LRP5: variants seen among roughly 807,000 people sequenced by gnomAD.
LRP5 encodes the protein LDL receptor related protein 5, also known as low-density lipoprotein receptor-related protein 5.
In LRP5, 62 loss-of-function variants were observed where a neutral mutation model predicts 154.1. The ratio of observed to expected loss-of-function variants is 0.40; its 90% confidence interval spans 0.33 to 0.50. LRP5 has a LOEUF of 0.50. LRP5 is among the 20% of genes least tolerant of loss of function. LRP5 has a pLI of 0.55. For synonymous variants in LRP5, 966 were observed against 1,011.5 expected (o/e 0.96, Z 0.85); for missense variants, 1,915 against 2,336.7 (o/e 0.82, Z 3.72).
chr11:68,415,398 A>G (rs1445356635), intron 12 of LRP5, among the ~76,000 whole-genome samples: 1 of 152,196 alleles, frequency 6.6e-6, no homozygotes, highest in Non-Finnish European at 1.5e-5. Flanking sequence ...ACATTCCACC[A>G]CCAGTGTTCA....
At chr11:68,412,208 C>T (rs946033271) in intron 11 of LRP5, among the ~76,000 whole-genome samples, 1 of 152,132 alleles carries the variant, frequency 6.6e-6, no homozygotes, top group Non-Finnish European at 1.5e-5. Context: ...GATTTGAACC[C>T]AGAAAAGGGG....
intron 3 of LRP5, among the ~76,000 whole-genome samples, chr11:68,362,199 A>G (rs1339941069): frequency 6.6e-6 from 1 of 152,178 alleles, no homozygotes; most frequent in East Asian, 1.9e-4. Context: ...GATTCCGTTT[A>G]TATGAGATGT....
intron 1 of LRP5, among the ~76,000 whole-genome samples, chr11:68,313,935 C>T (rs765203436): frequency 7.9e-5 from 12 of 152,124 alleles, no homozygotes; most frequent in Non-Finnish European, 1.5e-4. Flanking sequence ...TGGGGGACAG[C>T]GGGGAACAGG....
rs1414840088 is a variant in LRP5 at position 68,389,822 on chromosome 11, G to A, written c.1413-59G>A. 11 of 1,591,852 alleles carry A rather than the reference G, an allele frequency of 6.9e-6. No individual in the cohort carries two copies. In the East Asian group the frequency reaches 2.2e-4, roughly 32 times the overall value. ...GGGGGCAGGCCTTGCTCTTGGCACT[G>A]GGGATGCTGCAGAGACCAGACAGAC... On this transcript the variant is annotated intron_variant, in intron 6 of 22. Coordinates refer to ENST00000294304, the MANE Select transcript of LRP5 (RefSeq NM_002335.4).
At chr11:68,340,069 C>T (rs556509987) in intron 1 of LRP5, among the ~76,000 whole-genome samples, 100 of 152,066 alleles carry the variant, frequency 6.6e-4, no homozygotes, top group African/African-American at 2.1e-3. Flanking sequence ...GGCAAAACCC[C>T]GTCTCTACTA....
chr11:68,418,444 C>T (rs7944300), intron 13 of LRP5, among the ~76,000 whole-genome samples: 1,542 of 151,964 alleles, frequency 0.01, 22 homozygotes, highest in African/African-American at 0.035. Flanking sequence ...CTTTCTCCAC[C>T]GAGTGTTGGT....
At position 68,425,308 on chromosome 11, in the gene LRP5, C is replaced by A. The variant is rs371885364; in HGVS notation, c.3427+16C>A. ...GACCTGTCAGGTACGCGCCCCGGGG[C>A]CTGCCCTAACCGCAGACACCCGGCC... On this transcript the variant is annotated intron_variant, in intron 15 of 22. Coordinates refer to ENST00000294304, the MANE Select transcript of LRP5 (RefSeq NM_002335.4). 1.3e-6 allele frequency: 2 copies of A among 1,596,806 alleles called. No homozygotes were observed. The highest frequency in any genetic ancestry group is 1.7e-6 in the Non-Finnish European group (2 of 1,177,040).
At chr11:68,378,564 C>G (rs2098638669) in intron 5 of LRP5, among the ~76,000 whole-genome samples, 2 of 152,132 alleles carry the variant, frequency 1.3e-5, no homozygotes, top group Admixed American at 6.5e-5. Context: ...AAGGATAAAC[C>G]CATTCACCCG....
chr11:68,413,853 A>G lies in LRP5; in HGVS notation c.2668A>G (p.Met890Val). 6.2e-7 allele frequency: 1 copy of G among 1,613,618 alleles called. No homozygotes were observed. Among genetic ancestry groups the G allele is most frequent in the East Asian group, 2.2e-5 (1 of 44,894 alleles). The change falls in exon 12 of 23, where the codon ATG (methionine) becomes GTG (valine). Residue 890 changes from methionine to valine, a missense_variant. Physicochemically the swap from Met to Val is conservative, Grantham distance 21. This residue lies in a region of LRP5 where 1,094 missense variants were observed against 1,210.1 expected (regional missense o/e 0.90). Transcript: ENST00000294304. The surrounding 1 kb of genome is among the most constrained non-coding windows in gnomAD (Gnocchi z 5.1). ...CATCCAGGGCCACCTGGACTTCGTG[A>G]TGGACATCCTGGTGTTCCACTCCTC... ...TLIQGHLDFVMDILVFHSSRQ... is the reference protein window; with the variant it reads ...TLIQGHLDFVVDILVFHSSRQ...
rs760112335 is a variant in LRP5, at chr11:68,425,285, C to A, written c.3420C>A (p.Asp1140Glu). The change falls in exon 15 of 23, where the codon GAC (aspartate) becomes GAA (glutamate). Residue 1140 changes from aspartate (D) to glutamate (E), a missense_variant. Asp to Glu is a conservative substitution (Grantham distance 45, BLOSUM62 2). Around this residue, in one of 3 missense-constraint regions of LRP5, gnomAD observed 1,094 missense variants for 1,210.1 expected, o/e 0.90. Coordinates refer to ENST00000294304, the MANE Select transcript of LRP5 (RefSeq NM_002335.4). Reference sequence around the variant, plus strand: ...ACCTGAAGCGCATTGAGAGCTGTGACCTGTCAGGTACGCGCCCCGGGGCCT... The same window carrying A: ...ACCTGAAGCGCATTGAGAGCTGTGAACTGTCAGGTACGCGCCCCGGGGCCT... ...DADLKRIESC[D>E]LSGANRLTLE... is the part of the protein sequence containing the mutation. 1 of 1,608,320 alleles carries A rather than the reference C, an allele frequency of 6.2e-7. No individual in the cohort carries two copies. The highest frequency in any genetic ancestry group is 8.5e-7 in the Non-Finnish European group (1 of 1,179,904).
intron 4 of LRP5, among the ~76,000 whole-genome samples, chr11:68,364,358 ATGTGTGTGTG>A (rs113821152): frequency 8.9e-5 from 13 of 145,524 alleles, no homozygotes; most frequent in African/African-American, 2.3e-4. Flanking sequence ...ATACATATAT[ATGTGTGTGTG>A]TGTGTGTGTG....
At chr11:68,422,724 C>T (rs967881437) in intron 13 of LRP5, among the ~76,000 whole-genome samples, 9 of 152,002 alleles carry the variant, frequency 5.9e-5, no homozygotes, top group Non-Finnish European at 7.4e-5. Context: ...TGAGTCATTC[C>T]CCACACTCAC....
chr11:68,382,774 C>T (rs2098640953), intron 5 of LRP5, among the ~76,000 whole-genome samples: 1 of 152,188 alleles, frequency 6.6e-6, no homozygotes, highest in Non-Finnish European at 1.5e-5. Flanking sequence ...TGTCCTTGGG[C>T]CGGGAGCCTA....
chr11:68,385,930 C>T (rs1053453627), intron 5 of LRP5, among the ~76,000 whole-genome samples: 1 of 152,056 alleles, frequency 6.6e-6, no homozygotes, highest in African/African-American at 2.4e-5. Context: ...AGCCTGGTAC[C>T]CGGCGGGACT....
upstream of LRP5, chr11:68,312,550 G>T: frequency 1.3e-5 from 2 of 159,694 alleles, no homozygotes; most frequent in South Asian, 3.7e-4. Context: ...GCGGAGACGC[G>T]GCGCGGCTTC....
intron 5 of LRP5, among the ~76,000 whole-genome samples, chr11:68,371,765 CG>C (rs2098634137): frequency 6.6e-6 from 1 of 152,262 alleles, no homozygotes; most frequent in Non-Finnish European, 1.5e-5. Flanking sequence ...GCTGACAGCA[CG>C]GCTGTGAGGT....
chr11:68,304,081 GC>G, the LRP5 span, among the ~76,000 whole-genome samples: 1 of 152,178 alleles, frequency 6.6e-6, no homozygotes, highest in Non-Finnish European at 1.5e-5. Context: ...GGCCTCAGAG[GC>G]AAAAAGGCCT....
chr11:68,355,578 TG>T (rs1481940467), intron 2 of LRP5, among the ~76,000 whole-genome samples: 2 of 152,172 alleles, frequency 1.3e-5, no homozygotes, highest in African/African-American at 4.8e-5. Flanking sequence ...GCCCAGCCTC[TG>T]GGCACACACC....
At chr11:68,420,413 C>T (rs1045008996) in intron 13 of LRP5, among the ~76,000 whole-genome samples, 4 of 151,948 alleles carry the variant, frequency 2.6e-5, no homozygotes, top group South Asian at 2.1e-4. Flanking sequence ...AATAATAACC[C>T]GTTGTAAAGG....
Sources: gnomAD v4.1 joint callset for allele counts (sites outside exome capture counted in the v4.1 genomes callset) on GRCh38, gnomAD v4.1.1 for gene constraint, gnomAD v4.1.1 regional missense constraint, Gnocchi (gnomAD v3.1) non-coding constraint, MANE v1.5 for transcripts, NCBI Gene and HGNC (gene_info 2026-07-23, HGNC 2026-07-21) for gene names.